The following LIN54 variants were observed in gnomAD, a reference collection of about 807,000 sequenced individuals.
The protein encoded by LIN54 is lin-54 DREAM MuvB core complex component, also known as protein lin-54 homolog.
Under a neutral mutation model 78.7 loss-of-function variants are expected in LIN54, and 9 were observed. The observed-to-expected ratio is 0.11, with a 90% CI of 0.07 to 0.20. The LOEUF is 0.20. LIN54 is among the 10% of genes least tolerant of loss of function. The probability of loss-of-function intolerance (pLI) is 1.00; values close to 1 mark genes in which losing one functional copy is unlikely to be tolerated. For synonymous variants in LIN54, 269 were observed against 318.4 expected, an observed-to-expected ratio of 0.84 and a Z score of 1.65; for missense variants, 573 against 889.9, an observed-to-expected ratio of 0.64 and a Z score of 4.53.
chr4:82,958,920 G>A (rs1160548551), intron 4 of LIN54, among the ~76,000 whole-genome samples: 1 of 151,866 alleles, frequency 6.6e-6, no homozygotes, highest in African/African-American at 2.4e-5. Flanking sequence ...CAGGCTGGTC[G>A]CAAACTCCCG....
In LIN54 at chr4:82,980,327, G is replaced by A. The variant is rs746273460; in HGVS notation, c.685-1321C>T. 9.9e-5 allele frequency among the ~76,000 whole-genome samples: 15 copies of A among 152,160 alleles called. No individual in the cohort carries two copies. The East Asian group carries it at 2.9e-3, about 29-fold the overall frequency. Reference sequence around the variant, plus strand: ...ATTATATCTTTTGGCAATGAAAATTGAGACTGTAAAAGAACTATTTATTAT... The same window carrying A: ...ATTATATCTTTTGGCAATGAAAATTAAGACTGTAAAAGAACTATTTATTAT... On this transcript the variant is annotated intron_variant, in intron 2 of 12. Coordinates refer to ENST00000340417, the MANE Select transcript of LIN54 (RefSeq NM_194282.4).
At chr4:82,931,714 AAT>A (rs944275036) in intron 11 of LIN54, among the ~76,000 whole-genome samples, 11 of 152,214 alleles carry the variant, frequency 7.2e-5, no homozygotes, top group African/African-American at 2.2e-4. Context: ...TTCATGTAAA[AAT>A]ATGTCAAATG....
At chr4:82,993,122 C>A (rs1727882086) in intron 1 of LIN54, among the ~76,000 whole-genome samples, 1 of 150,914 alleles carries the variant, frequency 6.6e-6, no homozygotes, top group Admixed American at 6.6e-5. Flanking sequence ...CTTGGCCTCT[C>A]AGCATGCACC....
rs1721635184 is a variant in LIN54, at chr4:82,928,125, C to T, written c.2227G>A (p.Asp743Asn). Reference sequence around the variant, plus strand: ...AGTTAGCAATTCATGGCACAAGGGTCACTTTTTGCCTTTCCTGCAGAGTTG... The same window carrying T: ...AGTTAGCAATTCATGGCACAAGGGTTACTTTTTGCCTTTCCTGCAGAGTTG... ...VINSAGKAKS[D>N]PCAMNC is the part of the protein sequence containing the mutation. Residue 743 changes from aspartate (D) to asparagine (N), a missense_variant, in exon 13 of 13, where the codon GAC becomes AAC. Transcript: ENST00000340417. 1 of 1,614,192 alleles carries T rather than the reference C, an allele frequency of 6.2e-7. No individual in the cohort carries two copies. Among genetic ancestry groups the T allele is most frequent in the Non-Finnish European group, 8.5e-7 (1 of 1,180,004 alleles).
At chr4:82,934,942 G>T (rs1722271908) in intron 11 of LIN54, among the ~76,000 whole-genome samples, 1 of 152,040 alleles carries the variant, frequency 6.6e-6, no homozygotes, top group African/African-American at 2.4e-5. Context: ...AGCAAGAAGG[G>T]GAAGATTTAT....
In LIN54 at chr4:82,979,017, TA is replaced by T; in HGVS notation, c.685-12del. On this transcript the variant is annotated splice_polypyrimidine_tract_variant and intron_variant, in intron 2 of 12. Coordinates refer to ENST00000340417, the MANE Select transcript of LIN54 (RefSeq NM_194282.4). Reference sequence around the variant, plus strand: ...AGGCTTCTTAGCAATCTGAAACATATAAATAACTATGAAGACCATCTGTTTC... The same window carrying T: ...AGGCTTCTTAGCAATCTGAAACATATAATAACTATGAAGACCATCTGTTTC... The T allele has an allele frequency of 6.4e-7, 1 of 1,556,302 alleles. No individual in the cohort carries two copies. The highest frequency in any genetic ancestry group is 1.8e-5 in the Admixed American group (1 of 56,924).
intron 11 of LIN54, among the ~76,000 whole-genome samples, chr4:82,932,498 C>A (rs1004313166): frequency 6.6e-6 from 1 of 151,474 alleles, no homozygotes; most frequent in African/African-American, 2.4e-5. Flanking sequence ...TCCCACATTC[C>A]CTCCAACAAT....
At chr4:83,007,664 G>C (rs368012527) in intron 1 of LIN54, among the ~76,000 whole-genome samples, 67 of 152,242 alleles carry the variant, frequency 4.4e-4, no homozygotes, top group African/African-American at 1.6e-3. Flanking sequence ...GAGGCAGGTA[G>C]ATCGCCTGAG....
chr4:82,973,711 T>G (rs1466065067), intron 3 of LIN54, among the ~76,000 whole-genome samples: 1 of 152,188 alleles, frequency 6.6e-6, no homozygotes, highest in Non-Finnish European at 1.5e-5. Context: ...ATGTAACCAT[T>G]TCAAGTCTTG....
chr4:82,979,015 T>C lies in LIN54; in HGVS notation c.685-9A>G, dbSNP rs1258467881. 1 of 1,556,096 alleles carries C rather than the reference T, an allele frequency of 6.4e-7. No homozygotes were observed. On this transcript the variant is annotated splice_polypyrimidine_tract_variant and intron_variant, in intron 2 of 12. Coordinates refer to ENST00000340417, the MANE Select transcript of LIN54 (RefSeq NM_194282.4). Reference sequence around the variant, plus strand: ...CGAGGCTTCTTAGCAATCTGAAACATATAAATAACTATGAAGACCATCTGT... The same window carrying C: ...CGAGGCTTCTTAGCAATCTGAAACACATAAATAACTATGAAGACCATCTGT...
chr4:82,999,406 T>C (rs1446427983), intron 1 of LIN54, among the ~76,000 whole-genome samples: 1 of 152,154 alleles, frequency 6.6e-6, no homozygotes, highest in African/African-American at 2.4e-5. Context: ...TCACTGCAGT[T>C]ACACCAGCAG....
intron 4 of LIN54, among the ~76,000 whole-genome samples, chr4:82,954,854 A>C (rs1389375163): frequency 6.6e-6 from 1 of 152,228 alleles, no homozygotes; most frequent in African/African-American, 2.4e-5. Flanking sequence ...TACACCTTTC[A>C]CATAGGGCTC....
At chr4:82,941,713 G>A (rs1225801479) in intron 5 of LIN54, among the ~76,000 whole-genome samples, 2 of 152,096 alleles carry the variant, frequency 1.3e-5, no homozygotes, top group African/African-American at 4.8e-5. Context: ...TAGGTGAAAG[G>A]ACCATGACTT....
intron 2 of LIN54, among the ~76,000 whole-genome samples, chr4:82,979,560 T>C (rs765312740): frequency 5.3e-5 from 8 of 152,114 alleles, no homozygotes; most frequent in African/African-American, 1.4e-4. Context: ...AGAGAAAAAT[T>C]TGGTAGAACA....
Position 82,947,235 on chromosome 4 carries a change from A to ATATATTTTTTT in LIN54, c.952-762_952-761insAAAAAAATATA. ...TATATATATATATATATATATATAT[A>ATATATTTTTTT]TTTTTTTTTTTTTTGAAGACAGGGT... On this transcript the variant is annotated intron_variant, in intron 4 of 12. Transcript: ENST00000340417. 4.4e-3 allele frequency among the ~76,000 whole-genome samples: 196 copies of ATATATTTTTTT among 44,266 alleles called. 5 individuals are homozygous for ATATATTTTTTT. The highest frequency in any genetic ancestry group is 0.01 in the African/African-American group (103 of 10,016). 29.0% of individuals were successfully genotyped at this position (44,266 alleles called of 152,430 possible). A position where few individuals can be genotyped will look rare whatever the true frequency, so the allele number is the denominator to read the frequency against.
At chr4:82,952,534 G>A (rs990183100) in intron 4 of LIN54, among the ~76,000 whole-genome samples, 6 of 152,136 alleles carry the variant, frequency 3.9e-5, no homozygotes, top group African/African-American at 1.4e-4. Flanking sequence ...GTACACTGTG[G>A]AAACAGTATG....
chr4:82,972,170 T>G (rs1267968951), intron 3 of LIN54, among the ~76,000 whole-genome samples: 2 of 152,006 alleles, frequency 1.3e-5, no homozygotes, highest in African/African-American at 4.8e-5. Flanking sequence ...TCCTCCCATC[T>G]CAGCCTCCTG....
intron 1 of LIN54, among the ~76,000 whole-genome samples, chr4:82,994,152 T>C (rs1727989433): frequency 6.6e-6 from 1 of 152,106 alleles, no homozygotes; most frequent in African/African-American, 2.4e-5. Context: ...TTTATTATCA[T>C]TCACTTCAAA....
chr4:82,941,149 G>GATATATATATAGAT (rs1553947747), intron 5 of LIN54, among the ~76,000 whole-genome samples: 2 of 131,138 alleles, frequency 1.5e-5, no homozygotes, highest in Admixed American at 7.5e-5. Flanking sequence ...GAGTTAAGAG[G>GATATATATATAGAT]ATATATATAT....
Sources: gnomAD v4.1 joint callset for allele counts (sites outside exome capture counted in the v4.1 genomes callset) on GRCh38, gnomAD v4.1.1 for gene constraint, MANE v1.5 for transcripts, NCBI Gene and HGNC (gene_info 2026-07-23, HGNC 2026-07-21) for gene names.